BICC1: variants seen among roughly 807,000 people sequenced by gnomAD.
The protein encoded by BICC1 is protein bicaudal C homolog 1.
A neutral mutation model predicts 111.0 loss-of-function variants in BICC1; 43 were observed. That is an observed-to-expected ratio of 0.39 (90% CI 0.30 to 0.50). The LOEUF is 0.50. Among genes scored for constraint, BICC1 ranks in the 20% least tolerant of loss-of-function variants. The pLI is 0.88. For synonymous variants in BICC1, 467 were observed against 434.4 expected (o/e 1.07, Z -0.93); for missense variants, 1,091 against 1,203.2 (o/e 0.91, Z 1.38).
chr10:58,583,937 G>T (rs1166371621), intron 1 of BICC1, among the ~76,000 whole-genome samples: 1 of 151,966 alleles, frequency 6.6e-6, no homozygotes, highest in African/African-American at 2.4e-5. Context: ...CAAAGCTCTG[G>T]AATTATAGGC....
In BICC1 at chr10:58,787,085, G is replaced by T; in HGVS notation, c.546+4G>T. 2 of 1,566,678 alleles carry T rather than the reference G, an allele frequency of 1.3e-6. No individual in the cohort carries two copies. The highest frequency in any genetic ancestry group is 1.7e-6 in the Non-Finnish European group (2 of 1,162,258). ...CCAAGCAGAAAAAAGCAACCAGGTG[G>T]TTTGTCTTTTCACATGAACTTTTAT... On this transcript the variant is annotated splice_donor_region_variant and intron_variant, in intron 5 of 20. Coordinates refer to ENST00000373886, the MANE Select transcript of BICC1 (RefSeq NM_001080512.3).
At chr10:58,575,231 G>GT (rs1844076191) in intron 1 of BICC1, among the ~76,000 whole-genome samples, 3 of 151,884 alleles carry the variant, frequency 2.0e-5, no homozygotes, top group South Asian at 4.2e-4. Context: ...CCCTCTCTGT[G>GT]TCCATGGGTT....
intron 2 of BICC1, among the ~76,000 whole-genome samples, chr10:58,674,300 A>G (rs1839273721): frequency 1.3e-5 from 2 of 150,672 alleles, no homozygotes; most frequent in Admixed American, 6.6e-5. Flanking sequence ...TCATTGTACT[A>G]TTGGTTTTTT....
At chr10:58,731,097 T>G (rs1841277279) in intron 3 of BICC1, among the ~76,000 whole-genome samples, 1 of 152,236 alleles carries the variant, frequency 6.6e-6, no homozygotes, top group Non-Finnish European at 1.5e-5. Context: ...AGTCAGGCTA[T>G]ATACTTGAAT....
At chr10:58,726,389 G>A (rs991901675) in intron 3 of BICC1, among the ~76,000 whole-genome samples, 2 of 152,072 alleles carry the variant, frequency 1.3e-5, no homozygotes, top group South Asian at 2.1e-4. Flanking sequence ...TCTCAAAGTC[G>A]AGAACAGGCT....
chr10:58,629,369 G>A (rs1837727436), intron 2 of BICC1, among the ~76,000 whole-genome samples: 2 of 151,844 alleles, frequency 1.3e-5, no homozygotes, highest in Admixed American at 1.3e-4. Context: ...AGAACTTAGC[G>A]ATATTCTGAC....
intron 3 of BICC1, among the ~76,000 whole-genome samples, chr10:58,771,523 G>A (rs1454355785): frequency 6.6e-6 from 1 of 152,064 alleles, no homozygotes; most frequent in East Asian, 1.9e-4. Context: ...GAAACCAGCG[G>A]AGGTAGAGAT....
At chr10:58,564,572 G>C (rs904555254) in intron 1 of BICC1, among the ~76,000 whole-genome samples, 1 of 152,100 alleles carries the variant, frequency 6.6e-6, no homozygotes, top group Non-Finnish European at 1.5e-5. Flanking sequence ...TTTCCCCTTG[G>C]ACATGGGTAG....
At chr10:58,539,764 A>G (rs1395633302) in intron 1 of BICC1, among the ~76,000 whole-genome samples, 1 of 151,972 alleles carries the variant, frequency 6.6e-6, no homozygotes, top group Non-Finnish European at 1.5e-5. Flanking sequence ...GCACTTGAAT[A>G]ATGCTATAGA....
Position 58,725,255 on chromosome 10 carries a change from A to T in BICC1, c.307+23112A>T, listed in dbSNP as rs945048263. ...ATGTACATTTGTGGCAGACTCTTAA[A>T]TGTGTAAGGATGCAGTGAGGTTTTA... On this transcript the variant is annotated intron_variant, in intron 3 of 20. Coordinates refer to ENST00000373886, the MANE Select transcript of BICC1 (RefSeq NM_001080512.3). 4.6e-5 allele frequency among the ~76,000 whole-genome samples: 7 copies of T among 152,302 alleles called. 2 individuals carry two copies. The highest frequency in any genetic ancestry group is 4.6e-4 in the Admixed American group (7 of 15,302).
chr10:58,791,539 C>A (rs1407275662), intron 8 of BICC1, among the ~76,000 whole-genome samples: 2 of 152,116 alleles, frequency 1.3e-5, no homozygotes, highest in Non-Finnish European at 2.9e-5. Context: ...AGTTCAAGAC[C>A]AGCCTGGCCA....
At chr10:58,665,398 A>C (rs1376086100) in intron 2 of BICC1, among the ~76,000 whole-genome samples, 2 of 152,092 alleles carry the variant, frequency 1.3e-5, no homozygotes, top group Non-Finnish European at 2.9e-5. Flanking sequence ...CTCACTAATC[A>C]TGGCTTTTCC....
At chr10:58,722,664 A>G (rs145773260) in intron 3 of BICC1, among the ~76,000 whole-genome samples, 2 of 152,354 alleles carry the variant, frequency 1.3e-5, no homozygotes, top group East Asian at 3.9e-4. Flanking sequence ...ATAATAATCT[A>G]GAGGACAATG....
At chr10:58,698,046 G>A (rs1289912710) in intron 2 of BICC1, among the ~76,000 whole-genome samples, 2 of 152,180 alleles carry the variant, frequency 1.3e-5, no homozygotes, top group Non-Finnish European at 2.9e-5. Flanking sequence ...TGTAGATGAT[G>A]GTTTTAAAAG....
chr10:58,671,597 T>C (rs943599629), intron 2 of BICC1, among the ~76,000 whole-genome samples: 1 of 152,128 alleles, frequency 6.6e-6, no homozygotes, highest in African/African-American at 2.4e-5. Context: ...GGGGTTCCAA[T>C]TGGGACAAAT....
intron 1 of BICC1, among the ~76,000 whole-genome samples, chr10:58,528,003 T>A (rs2131845298): frequency 6.6e-6 from 1 of 152,088 alleles, no homozygotes; most frequent in African/African-American, 2.4e-5. Flanking sequence ...TGGTGCCCTG[T>A]AAATAGTTGG....
At chr10:58,621,874 G>C (rs1845818436) in intron 2 of BICC1, among the ~76,000 whole-genome samples, 1 of 149,852 alleles carries the variant, frequency 6.7e-6, no homozygotes, top group South Asian at 2.1e-4. Flanking sequence ...CTCCAGCCTG[G>C]GCAACAGAGT....
At chr10:58,782,223 C>T (rs973085014) in intron 3 of BICC1, among the ~76,000 whole-genome samples, 1 of 152,104 alleles carries the variant, frequency 6.6e-6, no homozygotes, top group African/African-American at 2.4e-5. Flanking sequence ...AAATCGGATA[C>T]GAGGCTCCCT....
intron 17 of BICC1, 126 bp from the exon 18 acceptor site, chr10:58,813,704 C>A: frequency 1.0e-6 from 1 of 968,468 alleles, no homozygotes; most frequent in Non-Finnish European, 1.6e-6. Flanking sequence ...AGTCAACACT[C>A]ATGAGTAACT....
Sources: allele counts gnomAD v4.1 joint callset (sites outside exome capture counted in the v4.1 genomes callset), GRCh38; gene constraint gnomAD v4.1.1; transcripts MANE v1.5; gene names NCBI Gene and HGNC (gene_info 2026-07-23, HGNC 2026-07-21).